The following BRIP1 variants were observed in gnomAD, a reference collection of about 807,000 sequenced individuals.
BRIP1 encodes the protein BRCA1 interacting DNA helicase 1.
BRIP1 carries 88 observed loss-of-function variants against 119.7 expected under a neutral mutation model. The ratio of observed to expected loss-of-function variants is 0.74; its 90% CI spans 0.62 to 0.88. BRIP1 has a LOEUF of 0.88. BRIP1 is among the 40% of genes least tolerant of loss of function. The pLI is 0.00. For synonymous variants in BRIP1, 443 were observed against 496.5 expected, an observed-to-expected ratio of 0.89 and a Z score of 1.43; for missense variants, 1,259 against 1,455.4, an observed-to-expected ratio of 0.87 and a Z score of 2.20.
At chr17:61,772,820 G>GAAAAAAAAAA (rs71355193) in intron 14 of BRIP1, among the ~76,000 whole-genome samples, 1 of 53,540 alleles carries the variant, frequency 1.9e-5, no homozygotes, top group Non-Finnish European at 3.3e-5. Flanking sequence ...TTCCATCTCA[G>GAAAAAAAAAA]AAAAAAAAAA....
Position 61,810,161 on chromosome 17 carries a change from A to G in BRIP1, c.628-1404T>C, listed in dbSNP as rs1453571237. On this transcript the variant is annotated intron_variant, in intron 6 of 19. Coordinates refer to ENST00000259008, the MANE Select transcript of BRIP1 (RefSeq NM_032043.3). This position sits in a 1 kb window ranked among gnomAD's most constrained non-coding sequence, Gnocchi z 4.7. The stretch of plus-strand genomic sequence containing the variant: ...TGCCAGTAACAGCAGATTTCATTAC[A>G]GAGTGCTGCCACATTAAATAGCCAG... 6.6e-6 allele frequency among the ~76,000 whole-genome samples: 1 copy of G among 152,226 alleles called. No homozygotes were observed. The highest frequency in any genetic ancestry group is 1.5e-5 in the Non-Finnish European group (1 of 68,030).
chr17:61,705,653 T>C lies in BRIP1; in HGVS notation c.2492+10298A>G, dbSNP rs903495420. Among the ~76,000 whole-genome samples, 1 of 152,188 alleles carries C rather than the reference T, an allele frequency of 6.6e-6. No homozygotes were observed. Among genetic ancestry groups the C allele is most frequent in the Non-Finnish European group, 1.5e-5 (1 of 68,032 alleles). Reference sequence around the variant, plus strand: ...ATAAGGTAGAAACTAAGATCAATGATTTGAGGATGTTTTTTCCTAAAATAA... The same window carrying C: ...ATAAGGTAGAAACTAAGATCAATGACTTGAGGATGTTTTTTCCTAAAATAA... On this transcript the variant is annotated intron_variant, in intron 17 of 19. Transcript: ENST00000259008. This position sits in a 1 kb window ranked among gnomAD's most constrained non-coding sequence, Gnocchi z 5.0.
In BRIP1 at chr17:61,713,983, A is replaced by G. The variant is rs1466226452; in HGVS notation, c.2492+1968T>C. Among the ~76,000 whole-genome samples the G allele has an allele frequency of 6.6e-6, 1 of 152,026 alleles. No individual in the cohort carries two copies. The highest frequency in any genetic ancestry group is 1.5e-5 in the Non-Finnish European group (1 of 68,004). ...TGTAAAAGAGTCAAAAAGGTAAAAA[A>G]AAAGATAAAAAGATAAAAAGTTTAT... On this transcript the variant is annotated intron_variant, in intron 17 of 19. Transcript: ENST00000259008. The surrounding 1 kb of genome is among the most constrained non-coding windows in gnomAD (Gnocchi z 4.9).
rs2078494760 is a variant in BRIP1 at position 61,831,658 on chromosome 17, T to G, written c.627+15443A>C. 6.6e-6 allele frequency among the ~76,000 whole-genome samples: 1 copy of G among 152,232 alleles called. No individual in the cohort carries two copies. Among genetic ancestry groups the G allele is most frequent in the Admixed American group, 6.5e-5 (1 of 15,284 alleles). On this transcript the variant is annotated intron_variant, in intron 6 of 19. Coordinates refer to ENST00000259008, the MANE Select transcript of BRIP1 (RefSeq NM_032043.3). This position sits in a 1 kb window ranked among gnomAD's most constrained non-coding sequence, Gnocchi z 4.1. Reference sequence around the variant, plus strand: ...TTTATCAATGGACATTTTGGTTGTTTCCACCTTTTGGCTATTGTGAATAAC... The same window carrying G: ...TTTATCAATGGACATTTTGGTTGTTGCCACCTTTTGGCTATTGTGAATAAC...
In BRIP1 at chr17:61,789,974, A is replaced by T. The variant is rs2077790875; in HGVS notation, c.1473+3623T>A. Among the ~76,000 whole-genome samples the T allele has an allele frequency of 6.6e-6, 1 of 152,124 alleles. No homozygotes were observed. ...ATTTTATAACTGACATGTAACATAT[A>T]CAGTAGAATGAACTAATCTTACATG... On this transcript the variant is annotated intron_variant, in intron 10 of 19. Transcript: ENST00000259008. The surrounding 1 kb of genome is among the most constrained non-coding windows in gnomAD (Gnocchi z 4.8).
In BRIP1 at chr17:61,846,065, C is replaced by T. The variant is rs187267296; in HGVS notation, c.627+1036G>A. ...GGCGTGGTGGCAGGCGCCTGTAGTC[C>T]CAACTACTCGGGAGGTTGAGGCAGG... On this transcript the variant is annotated intron_variant, in intron 6 of 19. Transcript: ENST00000259008. This position sits in a 1 kb window ranked among gnomAD's most constrained non-coding sequence, Gnocchi z 4.3. 1.9e-3 allele frequency among the ~76,000 whole-genome samples: 290 copies of T among 151,986 alleles called. No individual in the cohort carries two copies. The highest frequency in any genetic ancestry group is 6.6e-3 in the African/African-American group (273 of 41,464).
rs1321456478 is a variant in BRIP1 at position 61,794,155 on chromosome 17, T to C, written c.1341-426A>G. ...GAAAATATATAAATACATTCATTGA[T>C]ATATATACACATTCATACATTAAGT... On this transcript the variant is annotated intron_variant, in intron 9 of 19. Coordinates refer to ENST00000259008, the MANE Select transcript of BRIP1 (RefSeq NM_032043.3). The surrounding 1 kb of genome is among the most constrained non-coding windows in gnomAD (Gnocchi z 4.3). Among the ~76,000 whole-genome samples the C allele has an allele frequency of 6.6e-6, 1 of 152,184 alleles. No homozygotes were observed. Among genetic ancestry groups the C allele is most frequent in the African/African-American group, 2.4e-5 (1 of 41,456 alleles).
In BRIP1 at chr17:61,804,410, ATGTGTGTGTG is replaced by A. The variant is rs71153405; in HGVS notation, c.919-2946_919-2937del. On this transcript the variant is annotated intron_variant, in intron 7 of 19. Transcript: ENST00000259008. The surrounding 1 kb of genome is among the most constrained non-coding windows in gnomAD (Gnocchi z 4.5). ...AAGACTTTGAGGCAGCTATATACAT[ATGTGTGTGTG>A]TGTGTGTGTGTGTGTGTGTGTGTGT... Among the ~76,000 whole-genome samples, 243 of 125,506 alleles carry A rather than the reference ATGTGTGTGTG, an allele frequency of 1.9e-3. 2 individuals carry two copies. The highest frequency in any genetic ancestry group is 0.015 in the Middle Eastern group (4 of 262). The allele number at this position is 125,506 out of a possible 152,430, so 82.3% of individuals were successfully genotyped here.
chr17:61,731,964 T>TCTTA (rs2076850725), intron 16 of BRIP1, among the ~76,000 whole-genome samples: 3 of 139,644 alleles, frequency 2.1e-5, no homozygotes, highest in Non-Finnish European at 4.6e-5. Context: ...TTTTTTCTTT[T>TCTTA]CTTTCTTTCT....
Position 61,772,887 on chromosome 17 carries a change from A to G in BRIP1, c.2097+3514T>C, listed in dbSNP as rs200192084. Among the ~76,000 whole-genome samples the G allele has an allele frequency of 7.2e-5, 11 of 151,922 alleles. No individual in the cohort carries two copies. The East Asian group carries it at 1.7e-3, about 24-fold the overall frequency. On this transcript the variant is annotated intron_variant, in intron 14 of 19. Transcript: ENST00000259008. The stretch of plus-strand genomic sequence containing the variant: ...TGTTTCACCACAATTAGAAATGACA[A>G]TAAATATCAGAAAAATAAATCAAAG...
At chr17:61,833,044 T>G (rs1603354928) in intron 6 of BRIP1, among the ~76,000 whole-genome samples, 1 of 152,338 alleles carries the variant, frequency 6.6e-6, no homozygotes, top group East Asian at 1.9e-4. Context: ...AAGATAAATT[T>G]ACTGGGCAGA....
rs183689472 is a variant in BRIP1, at chr17:61,735,868, G to A, written c.2379+7145C>T. Reference sequence around the variant, plus strand: ...GAACCTCAGTCCTACAACCACAAACGGACCCCAAGTGCCAGATAACAACAC... The same window carrying A: ...GAACCTCAGTCCTACAACCACAAACAGACCCCAAGTGCCAGATAACAACAC... On this transcript the variant is annotated intron_variant, in intron 16 of 19. Coordinates refer to ENST00000259008, the MANE Select transcript of BRIP1 (RefSeq NM_032043.3). This position sits in a 1 kb window ranked among gnomAD's most constrained non-coding sequence, Gnocchi z 4.4. Among the ~76,000 whole-genome samples the A allele has an allele frequency of 1.3e-5, 2 of 152,016 alleles. No individual in the cohort carries two copies. Among genetic ancestry groups the A allele is most frequent in the African/African-American group, 2.4e-5 (1 of 41,360 alleles).
chr17:61,733,735 C>A (rs529648498), intron 16 of BRIP1, among the ~76,000 whole-genome samples: 10 of 152,100 alleles, frequency 6.6e-5, no homozygotes, highest in Admixed American at 6.5e-4. Flanking sequence ...GTAAGATAGA[C>A]AATTCAGATC....
rs1193534723 is a variant in BRIP1, at chr17:61,744,324, A to T, written c.2257+108T>A. On this transcript the variant is annotated intron_variant, in intron 15 of 19. Coordinates refer to ENST00000259008, the MANE Select transcript of BRIP1 (RefSeq NM_032043.3). The surrounding 1 kb of genome is among the most constrained non-coding windows in gnomAD (Gnocchi z 5.0). Reference sequence around the variant, plus strand: ...TATTTTCTTTTCACTCAGGATTATAATTTTTCTCTTAAGTGTAATTCATCT... The same window carrying T: ...TATTTTCTTTTCACTCAGGATTATATTTTTTCTCTTAAGTGTAATTCATCT... 3.9e-5 allele frequency: 48 copies of T among 1,238,030 alleles called. No homozygotes were observed. Among genetic ancestry groups the T allele is most frequent in the Non-Finnish European group, 4.8e-5 (42 of 876,214 alleles). The allele number at this position is 1,238,030 out of a possible 1,614,324, so 76.7% of individuals were successfully genotyped here.
chr17:61,831,513 T>G lies in BRIP1; in HGVS notation c.627+15588A>C, dbSNP rs1005866321. 6.6e-6 allele frequency among the ~76,000 whole-genome samples: 1 copy of G among 152,250 alleles called. No individual in the cohort carries two copies. Among genetic ancestry groups the G allele is most frequent in the Admixed American group, 6.5e-5 (1 of 15,290 alleles). On this transcript the variant is annotated intron_variant, in intron 6 of 19. Transcript: ENST00000259008. The surrounding 1 kb of genome is among the most constrained non-coding windows in gnomAD (Gnocchi z 4.1). ...TCTGTCCTTTTATGACTGGCTTATT[T>G]TACTTCACATAATGTCTTCAAGTTT...
chr17:61,683,141 AC>A lies in BRIP1; in HGVS notation c.*154del. On this transcript the variant is annotated 3_prime_UTR_variant, in exon 20 of 20. Transcript: ENST00000259008. The surrounding 1 kb of genome is among the most constrained non-coding windows in gnomAD (Gnocchi z 4.7). Reference sequence around the variant, plus strand: ...CCAAGACTCTGTCTCAAAAAAAAAAACCCAAAAACTCAAGAATAATAACATT... The same window carrying A: ...CCAAGACTCTGTCTCAAAAAAAAAAACCAAAAACTCAAGAATAATAACATT... The A allele has an allele frequency of 1.0e-6, 1 of 978,038 alleles. No homozygotes were observed. The allele number at this position is 978,038 out of a possible 1,614,324, so 60.6% of individuals were successfully genotyped here.
At chr17:61,733,825 A>G (rs1003706347) in intron 16 of BRIP1, among the ~76,000 whole-genome samples, 5 of 150,250 alleles carry the variant, frequency 3.3e-5, no homozygotes, top group Admixed American at 6.6e-5. Context: ...AAACCCACAA[A>G]TATAAAATTT....
rs748928248 is a variant in BRIP1, at chr17:61,683,752, G to A, written c.3294C>T (p.Ala1098=). The change falls in exon 20 of 20, where the codon GCC becomes GCT. Residue 1098 remains alanine (A), a synonymous_variant. Transcript: ENST00000259008. This position sits in a 1 kb window ranked among gnomAD's most constrained non-coding sequence, Gnocchi z 4.7. The part of the protein sequence containing the change: ...HSEHPLCSEE[A]LDPDIELSLV... ...GAGACAATTCAATGTCTGGATCCAG[G>A]GCTTCTTCAGAACAGAGCGGATGTT... The A allele has an allele frequency of 1.2e-6, 2 of 1,613,982 alleles. No homozygotes were observed. Among genetic ancestry groups the A allele is most frequent in the South Asian group, 2.2e-5 (2 of 91,074 alleles).
At chr17:61,811,738 G>C (rs1002274945) in intron 6 of BRIP1, among the ~76,000 whole-genome samples, 5 of 151,362 alleles carry the variant, frequency 3.3e-5, no homozygotes, top group African/African-American at 1.2e-4. Context: ...GATTGCTTTG[G>C]GTCAGGAGTT....
Sources: gnomAD v4.1 joint callset for allele counts (sites outside exome capture counted in the v4.1 genomes callset) on GRCh38, gnomAD v4.1.1 for gene constraint, Gnocchi (gnomAD v3.1) non-coding constraint, MANE v1.5 for transcripts, NCBI Gene and HGNC (gene_info 2026-07-23, HGNC 2026-07-21) for gene names.